The following CACNA1D variants were observed in gnomAD, a reference collection of about 807,000 sequenced individuals.
CACNA1D encodes the protein voltage-dependent L-type calcium channel subunit alpha-1D.
A neutral mutation model predicts 257.1 loss-of-function variants in CACNA1D; 55 were observed. The observed-to-expected ratio is 0.21, with a 90% CI of 0.17 to 0.27. The LOEUF is 0.27. CACNA1D is among the 10% of genes least tolerant of loss of function. CACNA1D has a pLI of 1.00. For missense variants in CACNA1D, 1,876 were observed against 2,784.0 expected (o/e 0.67, Z 7.34); for synonymous variants, 980 against 1,014.9 (o/e 0.97, Z 0.65).
chr3:53,614,931 C>G (rs1192593540), intron 3 of CACNA1D, among the ~76,000 whole-genome samples: 1 of 152,200 alleles, frequency 6.6e-6, no homozygotes, highest in Admixed American at 6.5e-5. Context: ...TATCTACACA[C>G]TAAATTGTAC....
At chr3:53,616,042 G>A (rs954034558) in intron 3 of CACNA1D, among the ~76,000 whole-genome samples, 8 of 152,298 alleles carry the variant, frequency 5.3e-5, no homozygotes, top group African/African-American at 1.9e-4. Context: ...CCACGGAAGA[G>A]TGGGAGGTTT....
At chr3:53,674,735 C>T (rs988241235) in intron 8 of CACNA1D, among the ~76,000 whole-genome samples, 1 of 152,194 alleles carries the variant, frequency 6.6e-6, no homozygotes, top group East Asian at 1.9e-4. Context: ...CTCTCACAAT[C>T]AGCTCCTTCA....
At chr3:53,787,129 T>C (rs1439678389) in intron 40 of CACNA1D, among the ~76,000 whole-genome samples, 177 bp downstream of exon 40, 4 of 152,128 alleles carry the variant, frequency 2.6e-5, no homozygotes, top group African/African-American at 9.7e-5. Flanking sequence ...AGGTAAGTGC[T>C]TCCCTCCCCG....
intron 3 of CACNA1D, among the ~76,000 whole-genome samples, chr3:53,644,432 G>A (rs1376667898): frequency 6.6e-6 from 1 of 152,082 alleles, no homozygotes; most frequent in Non-Finnish European, 1.5e-5. Flanking sequence ...TCTAGCTTTT[G>A]TATACTTTGA....
chr3:53,632,631 G>A (rs2093834477), intron 3 of CACNA1D, among the ~76,000 whole-genome samples: 1 of 152,228 alleles, frequency 6.6e-6, no homozygotes, highest in African/African-American at 2.4e-5. Flanking sequence ...TCTAGCTTGT[G>A]ATTTAAAGTG....
intron 9 of CACNA1D, among the ~76,000 whole-genome samples, chr3:53,706,505 T>G (rs1429714288): frequency 6.6e-6 from 1 of 152,164 alleles, no homozygotes; most frequent in Non-Finnish European, 1.5e-5. Flanking sequence ...TAAAGATATA[T>G]CTCCCCATGG....
rs2095417846 is a variant in CACNA1D, at chr3:53,780,052, C to T, written c.4614C>T (p.Leu1538=). ...GATTAGTTGCCATGAACATGCCTCT[C>T]AACAGTGACGGGACAGTCATGTTTA... ...CKRLVAMNMP[L]NSDGTVMFNA... The change falls in exon 38 of 48, where the codon CTC becomes CTT. Residue 1538 remains leucine (L), a synonymous_variant. Coordinates refer to ENST00000350061, the MANE Select transcript of CACNA1D (RefSeq NM_001128840.3). 1 of 1,613,982 alleles carries T rather than the reference C, an allele frequency of 6.2e-7. No homozygotes were observed. Among genetic ancestry groups the T allele is most frequent in the Non-Finnish European group, 8.5e-7 (1 of 1,179,806 alleles).
intron 3 of CACNA1D, among the ~76,000 whole-genome samples, chr3:53,571,651 C>T (rs1429183698): frequency 6.6e-6 from 1 of 152,166 alleles, no homozygotes. Flanking sequence ...CATAGGGTGA[C>T]AGCCACAGTT....
At position 53,615,826 on chromosome 3, in the gene CACNA1D, A is replaced by G. The variant is rs192491313; in HGVS notation, c.484-34953A>G. Among the ~76,000 whole-genome samples the G allele has an allele frequency of 5.1e-3, 773 of 152,264 alleles. 7 individuals are homozygous for G. Among genetic ancestry groups the G allele is most frequent in the African/African-American group, 0.017 (723 of 41,558 alleles). On this transcript the variant is annotated intron_variant, in intron 3 of 47. Transcript: ENST00000350061. ...TCTTTTGGAAGCCTTTCTACTTTTC[A>G]GTTAGGGCAGCCACTTCTGGGTGAC...
At chr3:53,675,990 C>A (rs1050016712) in intron 8 of CACNA1D, among the ~76,000 whole-genome samples, 1 of 152,152 alleles carries the variant, frequency 6.6e-6, no homozygotes, top group Non-Finnish European at 1.5e-5. Context: ...AGCACAGCCT[C>A]GCAGCTTTGT....
At chr3:53,648,681 A>G (rs2094049747) in intron 3 of CACNA1D, among the ~76,000 whole-genome samples, 1 of 151,968 alleles carries the variant, frequency 6.6e-6, no homozygotes, top group Admixed American at 6.6e-5. Flanking sequence ...TATGAAGGGC[A>G]TGGGGGAAGA....
At chr3:53,722,034 G>T (rs1221637359) in intron 11 of CACNA1D, among the ~76,000 whole-genome samples, 1 of 152,168 alleles carries the variant, frequency 6.6e-6, no homozygotes, top group African/African-American at 2.4e-5. Flanking sequence ...CCACTTAAGG[G>T]CTGCATATGA....
chr3:53,621,142 G>A (rs1295151516), intron 3 of CACNA1D, among the ~76,000 whole-genome samples: 1 of 152,128 alleles, frequency 6.6e-6, no homozygotes, highest in East Asian at 1.9e-4. Context: ...TGCAAGTGAG[G>A]GAAAAGAACC....
Position 53,774,579 on chromosome 3 carries a change from C to G in CACNA1D, c.4111-8C>G, listed in dbSNP as rs751553150. The G allele has an allele frequency of 4.1e-5, 63 of 1,534,596 alleles. No individual in the cohort carries two copies. The highest frequency in any genetic ancestry group is 5.6e-5 in the Non-Finnish European group (62 of 1,107,498). The stretch of plus-strand genomic sequence containing the variant: ...TATTCTCTTTTTCCTGACAACTTCT[C>G]CACCTAGATGTTTGGGAAAGTTGCC... On this transcript the variant is annotated splice_polypyrimidine_tract_variant and splice_region_variant and intron_variant, in intron 33 of 47. Transcript: ENST00000350061. The surrounding 1 kb of genome is among the most constrained non-coding windows in gnomAD (Gnocchi z 4.3).
intron 3 of CACNA1D, among the ~76,000 whole-genome samples, chr3:53,563,259 C>G (rs2092772394): frequency 6.6e-6 from 1 of 152,168 alleles, no homozygotes; most frequent in African/African-American, 2.4e-5. Flanking sequence ...CACGGTGGCT[C>G]ACACCCGTAA....
intron 3 of CACNA1D, among the ~76,000 whole-genome samples, chr3:53,587,450 C>T (rs1038066295): frequency 6.6e-6 from 1 of 152,030 alleles, no homozygotes; most frequent in African/African-American, 2.4e-5. Flanking sequence ...CTGCGGGGGC[C>T]TGTTTTGGGC....
At chr3:53,653,980 C>T (rs562942092) in intron 4 of CACNA1D, among the ~76,000 whole-genome samples, 2 of 152,266 alleles carry the variant, frequency 1.3e-5, no homozygotes, top group Non-Finnish European at 2.9e-5. Context: ...AACAACTATG[C>T]AAGCCAGAAG....
At chr3:53,551,660 T>G (rs2092537940) in intron 3 of CACNA1D, among the ~76,000 whole-genome samples, 1 of 152,224 alleles carries the variant, frequency 6.6e-6, no homozygotes, top group Admixed American at 6.5e-5. Context: ...ATCTCATGGC[T>G]CTTTGCCATC....
At chr3:53,694,870 C>T (rs1055824675) in intron 8 of CACNA1D, among the ~76,000 whole-genome samples, 4 of 152,066 alleles carry the variant, frequency 2.6e-5, no homozygotes, top group African/African-American at 4.8e-5. Flanking sequence ...GGACCCTGGG[C>T]GATGCAGTCA....
Sources: gnomAD v4.1 joint callset for allele counts (sites outside exome capture counted in the v4.1 genomes callset) on GRCh38, gnomAD v4.1.1 for gene constraint, Gnocchi (gnomAD v3.1) non-coding constraint, MANE v1.5 for transcripts, NCBI Gene and HGNC (gene_info 2026-07-23, HGNC 2026-07-21) for gene names.